Variants in RAPGEF1 observed in about 807,000 individuals in gnomAD.
The protein encoded by RAPGEF1 is CRK SH3-binding GNRP.
A neutral mutation model predicts 143.3 loss-of-function variants in RAPGEF1; 33 were observed. The ratio of observed to expected loss-of-function variants is 0.23; its 90% CI spans 0.17 to 0.31. The LOEUF is 0.31. Ranked by LOEUF, RAPGEF1 falls within the 10% of genes least tolerant of loss-of-function variation. The pLI is 1.00. For synonymous variants in RAPGEF1, 629 were observed against 676.5 expected, an observed-to-expected ratio of 0.93 and a Z score of 1.09; for missense variants, 1,199 against 1,645.4, an observed-to-expected ratio of 0.73 and a Z score of 4.69.
At chr9:131,737,276 C>G in intron 1 of RAPGEF1, 25 of 1,444,514 alleles carry the variant, frequency 1.7e-5, no homozygotes, top group Non-Finnish European at 2.2e-5. Flanking sequence ...TGGTCAGCCC[C>G]TTCCCCTCTC....
intron 10 of RAPGEF1, 78 bp from the exon 11 acceptor site, chr9:131,622,076 G>A (rs1313188713): frequency 4.4e-6 from 6 of 1,365,448 alleles, no homozygotes; most frequent in Non-Finnish European, 6.1e-6. Context: ...TCTTCCCACA[G>A]CAGCTAGGGG....
chr9:131,680,577 C>A (rs570194627), intron 1 of RAPGEF1, among the ~76,000 whole-genome samples: 5 of 152,352 alleles, frequency 3.3e-5, no homozygotes, highest in African/African-American at 9.6e-5. Flanking sequence ...CGAACAATAG[C>A]ATGAGAGATC....
chr9:131,626,329 G>C lies in RAPGEF1; in HGVS notation c.1295C>G (p.Pro432Arg), dbSNP rs1963034545. 6.2e-7 allele frequency: 1 copy of C among 1,613,928 alleles called. No individual in the cohort carries two copies. Among genetic ancestry groups the C allele is most frequent in the South Asian group, 1.1e-5 (1 of 91,092 alleles). The stretch of plus-strand genomic sequence containing the variant: ...AGACCCAGACTCCCCCAAAGACTCT[G>C]GCAACGGGCTAAGGTTCCAGGCCGT... ...QQTAWNLSPL[P>R]ESLGESGSPF... Residue 432 changes from proline to arginine, a missense_variant, in exon 10 of 27, where the codon CCA becomes CGA. Coordinates refer to ENST00000683357, the MANE Select transcript of RAPGEF1 (RefSeq NM_001377935.1).
intron 1 of RAPGEF1, among the ~76,000 whole-genome samples, chr9:131,709,009 A>G (rs1451581552): frequency 6.6e-6 from 1 of 152,196 alleles, no homozygotes; most frequent in Non-Finnish European, 1.5e-5. Context: ...CTGGGATTAC[A>G]GGCGTGAGCC....
chr9:131,582,830 C>G, intron 24 of RAPGEF1, 128 bp from the exon 25 acceptor site: 1 of 730,550 alleles, frequency 1.4e-6, no homozygotes, highest in Non-Finnish European at 2.2e-6. Context: ...ACAGGTCCCA[C>G]TACGCACAAA....
chr9:131,646,595 C>T (rs1301654296), intron 3 of RAPGEF1, among the ~76,000 whole-genome samples: 5 of 152,212 alleles, frequency 3.3e-5, no homozygotes, highest in African/African-American at 1.2e-4. Flanking sequence ...CTCCCCACAG[C>T]CGTGCCGCAG....
intron 13 of RAPGEF1, 71 bp downstream of exon 13, chr9:131,604,860 A>C: frequency 8.2e-7 from 1 of 1,218,344 alleles, no homozygotes; most frequent in Non-Finnish European, 1.1e-6. Flanking sequence ...CCGCTTTTTA[A>C]AAAACGTGCA....
At position 131,629,219 on chromosome 9, in the gene RAPGEF1, T is replaced by C; in HGVS notation, c.776A>G (p.Glu259Gly). 6.2e-7 allele frequency: 1 copy of C among 1,613,978 alleles called. No homozygotes were observed. The highest frequency in any genetic ancestry group is 8.5e-7 in the Non-Finnish European group (1 of 1,179,872). ...AELPLTDREV[E>G]ILNKTTGMSQ... Reference sequence around the variant, plus strand: ...CATCCCAGTCGTCTTGTTTAGGATCTCTACCTCGCGGTCTGTCAGGGGGAG... The same window carrying C: ...CATCCCAGTCGTCTTGTTTAGGATCCCTACCTCGCGGTCTGTCAGGGGGAG... Residue 259 changes from glutamate (E) to glycine (G), a missense_variant, in exon 7 of 27, where the codon GAG (glutamate) becomes GGG (glycine). By Grantham distance (98) the Glu-to-Gly change is moderately conservative. Around this residue, in one of 6 missense-constraint regions of RAPGEF1, gnomAD observed 613 missense variants for 710.9 expected, o/e 0.86. Transcript: ENST00000683357.
chr9:131,582,801 C>T, intron 24 of RAPGEF1, 99 bp from the exon 25 acceptor site: 2 of 1,010,418 alleles, frequency 2.0e-6, no homozygotes, highest in East Asian at 2.9e-5. Context: ...GGAGGGTCAA[C>T]CACCCTCTGC....
rs1323706462 is a variant in RAPGEF1 at position 131,650,349 on chromosome 9, T to G, written c.202-107A>C. 4.9e-6 allele frequency: 4 copies of G among 810,986 alleles called. No homozygotes were observed. Among genetic ancestry groups the G allele is most frequent in the Non-Finnish European group, 7.8e-6 (4 of 513,438 alleles). The allele number at this position is 810,986 out of a possible 1,614,324, so 50.2% of individuals were successfully genotyped here. On this transcript the variant is annotated intron_variant, in intron 2 of 26. Transcript: ENST00000683357. The surrounding 1 kb of genome is among the most constrained non-coding windows in gnomAD (Gnocchi z 4.7). ...GCTGTTTCAACATATCTGGCTTGAC[T>G]GGCCCTGCTGAGGCCACTAACTCTT... is the stretch of plus-strand genomic sequence containing the variant.
At chr9:131,592,212 T>G in intron 17 of RAPGEF1, 29 bp from the exon 18 acceptor site, 1 of 1,547,084 alleles carries the variant, frequency 6.5e-7, no homozygotes, top group African/African-American at 1.4e-5. Context: ...GCAAACTGCT[T>G]GTCTGGGTGC....
chr9:131,584,690 G>A lies in RAPGEF1; in HGVS notation c.3234-94C>T, dbSNP rs1952429470. On this transcript the variant is annotated intron_variant, in intron 22 of 26. Transcript: ENST00000683357. The surrounding 1 kb of genome is among the most constrained non-coding windows in gnomAD (Gnocchi z 6.8). Reference sequence around the variant, plus strand: ...GAGACAGGACCTGTACGACCCCCATGCCAGTGGCCACGAGCCCACCCCTAC... The same window carrying A: ...GAGACAGGACCTGTACGACCCCCATACCAGTGGCCACGAGCCCACCCCTAC... 1 of 1,267,186 alleles carries A rather than the reference G, an allele frequency of 7.9e-7. No individual in the cohort carries two copies. The highest frequency in any genetic ancestry group is 1.1e-6 in the Non-Finnish European group (1 of 875,168). The allele number at this position is 1,267,186 out of a possible 1,614,324, so 78.5% of individuals were successfully genotyped here.
chr9:131,622,103 A>G, intron 10 of RAPGEF1, 105 bp from the exon 11 acceptor site: 1 of 1,120,844 alleles, frequency 8.9e-7, no homozygotes, highest in Non-Finnish European at 1.3e-6. Flanking sequence ...CACTGAAAGC[A>G]CCTCAGAGAG....
In RAPGEF1 at chr9:131,628,914, G is replaced by A. The variant is rs1441365531; in HGVS notation, c.893+188C>T. On this transcript the variant is annotated intron_variant, in intron 7 of 26. Transcript: ENST00000683357. The surrounding 1 kb of genome is among the most constrained non-coding windows in gnomAD (Gnocchi z 5.7). ...CATACCATGTCTCCCTGGGCTGAGG[G>A]CACAAGGAGGCCTTCAGGAGAGCTC... Among the ~76,000 whole-genome samples the A allele has an allele frequency of 6.6e-6, 1 of 152,098 alleles. No homozygotes were observed. Among genetic ancestry groups the A allele is most frequent in the Non-Finnish European group, 1.5e-5 (1 of 67,992 alleles).
In RAPGEF1 at chr9:131,706,745, A is replaced by G. The variant is rs548420728; in HGVS notation, c.61+33025T>C. Among the ~76,000 whole-genome samples, 75 of 152,326 alleles carry G rather than the reference A, an allele frequency of 4.9e-4. 1 individual carries two copies. The highest frequency in any genetic ancestry group is 6.8e-3 in the Middle Eastern group (2 of 294). Reference sequence around the variant, plus strand: ...ATGAAAAACGGCTTTTCCTTCTGAGATGGACTTTGGACCGCAGTCCCCGGG... The same window carrying G: ...ATGAAAAACGGCTTTTCCTTCTGAGGTGGACTTTGGACCGCAGTCCCCGGG... On this transcript the variant is annotated intron_variant, in intron 1 of 26. Transcript: ENST00000683357.
intron 1 of RAPGEF1, among the ~76,000 whole-genome samples, chr9:131,653,337 T>C (rs1261888259): frequency 6.6e-6 from 1 of 152,252 alleles, no homozygotes; most frequent in Non-Finnish European, 1.5e-5. Flanking sequence ...TTATTGTTTT[T>C]CCCTGTATAT....
chr9:131,608,068 G>T (rs1441756174), intron 12 of RAPGEF1, among the ~76,000 whole-genome samples: 1 of 152,216 alleles, frequency 6.6e-6, no homozygotes, highest in Non-Finnish European at 1.5e-5. Flanking sequence ...ATCTCCGCTT[G>T]TGTGCCCTAG....
rs1956703487 is a variant in RAPGEF1 at position 131,604,011 on chromosome 9, T to A, written c.2362A>T (p.Asn788Tyr). The change falls in exon 14 of 27, where the codon AAT becomes TAT. Residue 788 changes from asparagine to tyrosine, a missense_variant. By Grantham distance (143) the Asn-to-Tyr change is moderately radical. Coordinates refer to ENST00000683357, the MANE Select transcript of RAPGEF1 (RefSeq NM_001377935.1). ...CTGCTCTGGCCAGAGGAATACAGATTGACATATTCACCCTCACCAGCTTCC... is the reference window on the plus strand; with the variant it reads ...CTGCTCTGGCCAGAGGAATACAGATAGACATATTCACCCTCACCAGCTTCC... Reference protein sequence around the residue: ...SEEAGEGEYVNLYSSGQSSEE... With the variant: ...SEEAGEGEYVYLYSSGQSSEE... The A allele has an allele frequency of 7.5e-7, 1 of 1,341,826 alleles. No individual in the cohort carries two copies. The highest frequency in any genetic ancestry group is 2.0e-5 in the Admixed American group (1 of 49,938). The allele number at this position is 1,341,826 out of a possible 1,614,324, so 83.1% of individuals were successfully genotyped here. A position where few individuals can be genotyped will look rare whatever the true frequency, so the allele number is the denominator to read the frequency against.
At chr9:131,710,688 A>G (rs1336986760) in intron 1 of RAPGEF1, among the ~76,000 whole-genome samples, 2 of 152,138 alleles carry the variant, frequency 1.3e-5, no homozygotes, top group Non-Finnish European at 2.9e-5. Flanking sequence ...CAGGAGTTCA[A>G]AACCAGACTG....
Sources: gnomAD v4.1 joint callset for allele counts (sites outside exome capture counted in the v4.1 genomes callset) on GRCh38, gnomAD v4.1.1 for gene constraint, gnomAD v4.1.1 regional missense constraint, Gnocchi (gnomAD v3.1) non-coding constraint, MANE v1.5 for transcripts, NCBI Gene and HGNC (gene_info 2026-07-23, HGNC 2026-07-21) for gene names.